PAPPA: variants seen among roughly 807,000 people sequenced by gnomAD.
The protein encoded by PAPPA is pappalysin-1.
A neutral mutation model predicts 164.0 loss-of-function variants in PAPPA; 60 were observed. The ratio of observed to expected loss-of-function variants is 0.37; its 90% CI spans 0.30 to 0.45. The LOEUF (loss-of-function observed/expected upper bound fraction) is 0.45, where lower values mean the gene tolerates loss of function less well. PAPPA is among the 20% of genes least tolerant of loss of function. The pLI, the probability that PAPPA is intolerant of heterozygous loss-of-function variation, is 1.00. For missense variants in PAPPA, 1,782 were observed against 2,087.3 expected (o/e 0.85, Z 2.85); for synonymous variants, 875 against 814.1 (o/e 1.07, Z -1.27).
chr9:116,168,802 T>C (rs1382355158), intron 1 of PAPPA, among the ~76,000 whole-genome samples: 1 of 152,174 alleles, frequency 6.6e-6, no homozygotes, highest in African/African-American at 2.4e-5. Context: ...CCAATGCAAC[T>C]CCTTATCTTC....
At chr9:116,159,054 G>A (rs908076058) in intron 1 of PAPPA, among the ~76,000 whole-genome samples, 6 of 152,230 alleles carry the variant, frequency 3.9e-5, no homozygotes, top group Non-Finnish European at 5.9e-5. Context: ...AAGAGGGTGA[G>A]AAATGGATAT....
intron 9 of PAPPA, among the ~76,000 whole-genome samples, chr9:116,279,539 G>A (rs896217494): frequency 1.3e-5 from 2 of 152,050 alleles, no homozygotes; most frequent in Non-Finnish European, 2.9e-5. Flanking sequence ...CGCAGCCCAG[G>A]TCTGCTTCCT....
chr9:116,216,948 G>A (rs913481764), intron 4 of PAPPA, among the ~76,000 whole-genome samples: 2 of 151,918 alleles, frequency 1.3e-5, no homozygotes, highest in Non-Finnish European at 2.9e-5. Context: ...CACCATGTTG[G>A]TCAGGGTGGT....
chr9:116,169,263 T>C (rs963568025), intron 1 of PAPPA, among the ~76,000 whole-genome samples: 1 of 150,560 alleles, frequency 6.6e-6, no homozygotes, highest in Non-Finnish European at 1.5e-5. Context: ...CTATGCCAGC[T>C]TTAAGTCCCT....
chr9:116,217,050 C>G (rs898962483), intron 4 of PAPPA, among the ~76,000 whole-genome samples: 1 of 152,112 alleles, frequency 6.6e-6, no homozygotes, highest in East Asian at 1.9e-4. Flanking sequence ...TCAACTTCAG[C>G]TTTAAAGTTC....
At chr9:116,302,256 T>G (rs1447202169) in intron 9 of PAPPA, among the ~76,000 whole-genome samples, 1 of 152,226 alleles carries the variant, frequency 6.6e-6, no homozygotes, top group Non-Finnish European at 1.5e-5. Context: ...AGGTCTACCT[T>G]CTTTATATAT....
At chr9:116,174,323 C>A (rs1324062440) in intron 1 of PAPPA, among the ~76,000 whole-genome samples, 1 of 152,152 alleles carries the variant, frequency 6.6e-6, no homozygotes, top group Non-Finnish European at 1.5e-5. Flanking sequence ...GAAAGGCTCA[C>A]CCTAGGCTGT....
At chr9:116,188,748 A>T (rs1844008481) in intron 2 of PAPPA, among the ~76,000 whole-genome samples, 1 of 152,148 alleles carries the variant, frequency 6.6e-6, no homozygotes, top group Non-Finnish European at 1.5e-5. Flanking sequence ...GACAGGCTCA[A>T]AGAGGTGGGG....
chr9:116,277,449 T>G (rs1587983465), intron 9 of PAPPA, among the ~76,000 whole-genome samples: 2 of 152,176 alleles, frequency 1.3e-5, no homozygotes, highest in East Asian at 3.9e-4. Context: ...GGGTATCCAT[T>G]GTTAAGAACA....
chr9:116,196,193 G>A (rs1214838184), intron 2 of PAPPA, among the ~76,000 whole-genome samples: 5 of 152,152 alleles, frequency 3.3e-5, no homozygotes, highest in Admixed American at 6.5e-5. Flanking sequence ...ACTCCTTTGC[G>A]GGGAGAAGTC....
intron 9 of PAPPA, among the ~76,000 whole-genome samples, chr9:116,293,042 A>G (rs1408026929): frequency 6.6e-6 from 1 of 152,222 alleles, no homozygotes; most frequent in Non-Finnish European, 1.5e-5. Flanking sequence ...GCTCAGCTTT[A>G]GCAACTTTGA....
chr9:116,193,409 T>C (rs1587946098), intron 2 of PAPPA, among the ~76,000 whole-genome samples: 2 of 152,162 alleles, frequency 1.3e-5, no homozygotes, highest in Admixed American at 1.3e-4. Flanking sequence ...TACTTTCCTC[T>C]TCCTTTTCAA....
rs1254067580 is a variant in PAPPA at position 116,154,155 on chromosome 9, CG to C, written c.-12del. ...TGGCGGTGCAGGGGCGAAGGGGGGG[CG>C]GGGGGAACCGTCGGACATGCGGCTC... On this transcript the variant is annotated 5_prime_UTR_variant, in exon 1 of 22. Transcript: ENST00000328252. This position sits in a 1 kb window ranked among gnomAD's most constrained non-coding sequence, Gnocchi z 5.2. The C allele has an allele frequency of 4.5e-5, 21 of 464,806 alleles. No homozygotes were observed. The highest frequency in any genetic ancestry group is 4.0e-4 in the East Asian group (2 of 5,054). The allele number at this position is 464,806 out of a possible 1,614,324, so 28.8% of individuals were successfully genotyped here. A position where few individuals can be genotyped will look rare whatever the true frequency, so the allele number is the denominator to read the frequency against.
intron 3 of PAPPA, among the ~76,000 whole-genome samples, chr9:116,208,738 T>C (rs1257535026): frequency 6.6e-6 from 1 of 152,212 alleles, no homozygotes. Flanking sequence ...ATTTAAATAA[T>C]GCAAGTTTTG....
At chr9:116,303,885 T>G (rs904453924) in intron 10 of PAPPA, among the ~76,000 whole-genome samples, 1 of 152,252 alleles carries the variant, frequency 6.6e-6, no homozygotes, top group Non-Finnish European at 1.5e-5. Context: ...CATTTTTAGT[T>G]GTTGCCTGTA....
chr9:116,230,113 G>A (rs1844571079), intron 6 of PAPPA, among the ~76,000 whole-genome samples: 1 of 152,126 alleles, frequency 6.6e-6, no homozygotes, highest in South Asian at 2.1e-4. Flanking sequence ...GGAGCTCCAA[G>A]GAAACCCAGC....
chr9:116,179,708 G>A (rs926948663), intron 1 of PAPPA, among the ~76,000 whole-genome samples: 49 of 152,118 alleles, frequency 3.2e-4, no homozygotes, highest in African/African-American at 1.0e-3. Context: ...TCTCCCCCCC[G>A]ACTGAACCAA....
intron 1 of PAPPA, among the ~76,000 whole-genome samples, chr9:116,183,689 C>T (rs1331341323): frequency 6.6e-6 from 1 of 152,208 alleles, no homozygotes; most frequent in Non-Finnish European, 1.5e-5. Context: ...ACTTGTGAAG[C>T]CGCTGCTTCA....
chr9:116,163,771 A>G (rs547584634), intron 1 of PAPPA, among the ~76,000 whole-genome samples: 1 of 152,232 alleles, frequency 6.6e-6, no homozygotes, highest in East Asian at 1.9e-4. Context: ...AGAAGATGGT[A>G]CACCTTCTTG....
Sources: gnomAD v4.1 joint callset for allele counts (sites outside exome capture counted in the v4.1 genomes callset) on GRCh38, gnomAD v4.1.1 for gene constraint, Gnocchi (gnomAD v3.1) non-coding constraint, MANE v1.5 for transcripts, NCBI Gene and HGNC (gene_info 2026-07-23, HGNC 2026-07-21) for gene names.